DHDDS: variants seen among roughly 807,000 people sequenced by gnomAD.
DHDDS encodes dehydrodolichyl diphosphate synthase complex subunit DHDDS.
Under a neutral mutation model 46.2 loss-of-function variants are expected in DHDDS, and 16 were observed. The ratio of observed to expected loss-of-function variants is 0.35; its 90% confidence interval spans 0.23 to 0.53. The LOEUF is 0.53. Among genes scored for constraint, DHDDS ranks in the 20% least tolerant of loss-of-function variants. DHDDS has a pLI of 0.94. For synonymous variants in DHDDS, 151 were observed against 163.1 expected, an observed-to-expected ratio of 0.93 and a Z score of 0.56; for missense variants, 340 against 423.7, an observed-to-expected ratio of 0.80 and a Z score of 1.73.
At chr1:26,453,956 C>T (rs7540020) in intron 6 of DHDDS, among the ~76,000 whole-genome samples, 15 of 132,690 alleles carry the variant, frequency 1.1e-4, no homozygotes, top group Admixed American at 9.6e-4. Context: ...GAGTTAACCC[C>T]TTTTTTTTTG....
At chr1:26,450,562 G>A (rs2075310236) in intron 6 of DHDDS, among the ~76,000 whole-genome samples, 1 of 152,164 alleles carries the variant, frequency 6.6e-6, no homozygotes, top group Admixed American at 6.6e-5. Context: ...ACACAGAAAA[G>A]CAGGAAGAAA....
chr1:26,439,140 A>G (rs2075192352), intron 3 of DHDDS, among the ~76,000 whole-genome samples: 1 of 152,176 alleles, frequency 6.6e-6, no homozygotes, highest in Non-Finnish European at 1.5e-5. Context: ...CATGTTGGCC[A>G]GGCTGGTCTC....
intron 3 of DHDDS, among the ~76,000 whole-genome samples, chr1:26,441,482 G>C (rs2075218913): frequency 6.6e-6 from 1 of 152,134 alleles, no homozygotes; most frequent in East Asian, 1.9e-4. Flanking sequence ...TTATAGGAGA[G>C]ACCCACCACA....
chr1:26,433,621 G>C (rs2075124353), intron 2 of DHDDS, among the ~76,000 whole-genome samples: 2 of 150,676 alleles, frequency 1.3e-5, no homozygotes, highest in African/African-American at 4.9e-5. Context: ...ACTCCAGCCT[G>C]GGTGACAGAA....
In DHDDS at chr1:26,457,783, C is replaced by A; in HGVS notation, c.543-8C>A. On this transcript the variant is annotated splice_region_variant and splice_polypyrimidine_tract_variant and intron_variant, in intron 6 of 8. Coordinates refer to ENST00000236342, the MANE Select transcript of DHDDS (RefSeq NM_205861.3). ...GTGCCTCTCTTTGTCTCTTCTTGCT[C>A]ATCTTAGTGATATCTCTGAGTCTCT... The A allele has an allele frequency of 1.3e-6, 2 of 1,597,210 alleles. No homozygotes were observed. Among genetic ancestry groups the A allele is most frequent in the South Asian group, 1.1e-5 (1 of 90,696 alleles).
chr1:26,454,774 TG>T, intron 6 of DHDDS: 2 of 1,585,764 alleles, frequency 1.3e-6, no homozygotes, highest in Admixed American at 1.7e-5. Context: ...AGCTCATGGA[TG>T]GGTTAATCCA....
rs2075540098 is a variant in DHDDS, at chr1:26,470,296, A to G, written c.*1165A>G. The G allele has an allele frequency of 6.6e-6, 1 of 151,198 alleles. No individual in the cohort carries two copies. Among genetic ancestry groups the G allele is most frequent in the Non-Finnish European group, 1.5e-5 (1 of 68,014 alleles). The allele number at this position is 151,198 out of a possible 1,614,324, so 9.4% of individuals were successfully genotyped here. On this transcript the variant is annotated 3_prime_UTR_variant, in exon 9 of 9. Transcript: ENST00000236342. ...ACACCAACCAAATGCTACTCTCTTTAAAGTCCATTTTCCTTCTTCTTTTTT... is the reference window on the plus strand; with the variant it reads ...ACACCAACCAAATGCTACTCTCTTTGAAGTCCATTTTCCTTCTTCTTTTTT...
At chr1:26,467,272 C>CA (rs1557453964) in intron 8 of DHDDS, 9 of 466,254 alleles carry the variant, frequency 1.9e-5, no homozygotes, top group Non-Finnish European at 3.6e-5. Context: ...TCCATATCCT[C>CA]AAAAAAAATC....
At chr1:26,439,257 T>C (rs1273409103) in intron 3 of DHDDS, among the ~76,000 whole-genome samples, 1 of 152,088 alleles carries the variant, frequency 6.6e-6, no homozygotes, top group Non-Finnish European at 1.5e-5. Context: ...TTTTTTAAGG[T>C]GTATATATAA....
At chr1:26,455,151 TC>T in intron 6 of DHDDS, 1 of 773,620 alleles carries the variant, frequency 1.3e-6, no homozygotes, top group Non-Finnish European at 2.4e-6. Flanking sequence ...TTGCATGATA[TC>T]ATGAGGTTCT....
chr1:26,447,627 C>T lies in DHDDS; in HGVS notation c.509C>T (p.Ala170Val). Residue 170 changes from alanine to valine, a missense_variant, in exon 6 of 9, where the codon GCC (alanine) becomes GTC (valine). Around this residue, in one of 2 missense-constraint regions of DHDDS, gnomAD observed 268 missense variants for 300.3 expected, o/e 0.89. Coordinates refer to ENST00000236342, the MANE Select transcript of DHDDS (RefSeq NM_205861.3). ...HEISNAVREM[A>V]WGVEQGLLDP... ...ATCAGCAATGCTGTGAGAGAGATGG[C>T]CTGGGGGGTGGAGCAAGGCCTGTTG... is the stretch of plus-strand genomic sequence containing the variant. 1 of 1,614,144 alleles carries T rather than the reference C, an allele frequency of 6.2e-7. No homozygotes were observed. Among genetic ancestry groups the T allele is most frequent in the South Asian group, 1.1e-5 (1 of 91,074 alleles).
rs1176847215 is a variant in DHDDS at position 26,460,041 on chromosome 1, C to G, written c.662C>G (p.Ser221Cys). 2 of 1,613,832 alleles carry G rather than the reference C, an allele frequency of 1.2e-6. No homozygotes were observed. Among genetic ancestry groups the G allele is most frequent in the Admixed American group, 3.3e-5 (2 of 59,994 alleles). Residue 221 changes from serine to cysteine, a missense_variant, in exon 8 of 9, where the codon TCT (serine) becomes TGT (cysteine). Physicochemically the swap from Ser to Cys is moderately radical, Grantham distance 112. Around this residue, in one of 2 missense-constraint regions of DHDDS, gnomAD observed 268 missense variants for 300.3 expected, o/e 0.89. Transcript: ENST00000236342. ...RLSDFLLWQT[S>C]HSCLVFQPVL... ...TCTCCTCCCTACCTTTCCCAGACCT[C>G]TCACTCCTGCCTGGTGTTCCAACCC...
chr1:26,457,647 G>A, intron 6 of DHDDS, 144 bp from the exon 7 acceptor site: 1 of 640,458 alleles, frequency 1.6e-6, no homozygotes, highest in South Asian at 1.7e-5. Context: ...ATTTTTTGAG[G>A]GCCTTCTGTG....
chr1:26,468,115 C>G (rs1430200331), intron 8 of DHDDS, among the ~76,000 whole-genome samples: 1 of 152,186 alleles, frequency 6.6e-6, no homozygotes, highest in Non-Finnish European at 1.5e-5. Context: ...CTCAAACTTC[C>G]AAGGGCTTAT....
chr1:26,438,100 G>A (rs565789341), intron 2 of DHDDS, 68 bp from the exon 3 acceptor site: 2 of 1,513,400 alleles, frequency 1.3e-6, no homozygotes, highest in East Asian at 2.3e-5. Flanking sequence ...ATCACCTTGG[G>A]GTGTAGTGTC....
At chr1:26,468,777 T>C (rs1160743752) in intron 8 of DHDDS, 118 bp from the exon 9 acceptor site, 2 of 1,407,832 alleles carry the variant, frequency 1.4e-6, no homozygotes, top group East Asian at 2.5e-5. Context: ...TGGTACCTAC[T>C]TTCCACTGTT....
At chr1:26,439,795 G>A (rs560808622) in intron 3 of DHDDS, among the ~76,000 whole-genome samples, 1 of 152,330 alleles carries the variant, frequency 6.6e-6, no homozygotes, top group African/African-American at 2.4e-5. Context: ...TAAATTGGAA[G>A]ACATTAAGTT....
At chr1:26,453,367 A>C (rs997340600) in intron 6 of DHDDS, among the ~76,000 whole-genome samples, 4 of 152,200 alleles carry the variant, frequency 2.6e-5, no homozygotes, top group Non-Finnish European at 5.9e-5. Context: ...CCACAATTAA[A>C]TCTTTGACTG....
rs572088329 is a variant in DHDDS, at chr1:26,446,705, T to TGTGG, written c.440+277_440+280dup. 7.8e-4 allele frequency among the ~76,000 whole-genome samples: 117 copies of TGTGG among 150,606 alleles called. 1 individual carries two copies. The highest frequency in any genetic ancestry group is 1.2e-3 in the African/African-American group (50 of 40,040). On this transcript the variant is annotated intron_variant, in intron 5 of 8. Transcript: ENST00000236342. ...CCAAATAAGTGTGTGTGTGTGTGTG[T>TGTGG]GTGGGTGTGTTTTTACTTGACAGGG... is the stretch of plus-strand genomic sequence containing the variant.
Sources: allele counts gnomAD v4.1 joint callset (sites outside exome capture counted in the v4.1 genomes callset), GRCh38; gene constraint gnomAD v4.1.1; regional missense constraint gnomAD v4.1.1; transcripts MANE v1.5; gene names NCBI Gene and HGNC (gene_info 2026-07-23, HGNC 2026-07-21).